FAM114A1: variants seen among roughly 807,000 people sequenced by gnomAD.
FAM114A1 encodes the protein protein NOXP20.
Under a neutral mutation model 64.3 loss-of-function variants are expected in FAM114A1, and 62 were observed. The observed-to-expected ratio is 0.96, with a 90% CI of 0.79 to 1.19. The LOEUF (loss-of-function observed/expected upper bound fraction) is 1.19, where lower values mean the gene tolerates loss of function less well. Among genes scored for constraint, FAM114A1 ranks in the 50% most tolerant of loss-of-function variants. The pLI is 0.00. For synonymous variants in FAM114A1, 254 were observed against 251.1 expected (o/e 1.01, Z -0.11); for missense variants, 645 against 676.3 (o/e 0.95, Z 0.51).
intron 9 of FAM114A1, among the ~76,000 whole-genome samples, chr4:38,924,281 T>C (rs186190203): frequency 6.6e-6 from 1 of 152,316 alleles, no homozygotes; most frequent in East Asian, 1.9e-4. Context: ...TGCTTATTAC[T>C]TAAAGTGCGA....
chr4:38,884,966 A>T (rs544757785), intron 3 of FAM114A1, among the ~76,000 whole-genome samples: 16 of 152,184 alleles, frequency 1.1e-4, no homozygotes, highest in South Asian at 1.0e-3. Context: ...ACTTTTAAAA[A>T]TTTTTATTTA....
chr4:38,917,316 C>T (rs564973738), intron 8 of FAM114A1, among the ~76,000 whole-genome samples: 2 of 150,834 alleles, frequency 1.3e-5, no homozygotes, highest in South Asian at 2.1e-4. Flanking sequence ...CTGGCCTGGG[C>T]GACAGAGCAA....
At chr4:38,921,671 C>A (rs1226481298) in intron 8 of FAM114A1, among the ~76,000 whole-genome samples, 2 of 152,226 alleles carry the variant, frequency 1.3e-5, no homozygotes, top group African/African-American at 2.4e-5. Flanking sequence ...GTGAAGCCCT[C>A]CCTGTGTGTA....
At position 38,887,302 on chromosome 4, in the gene FAM114A1, G is replaced by T. The variant is rs552490240; in HGVS notation, c.349-4441G>T. Among the ~76,000 whole-genome samples the T allele has an allele frequency of 2.6e-4, 39 of 152,328 alleles. 1 individual carries two copies. The highest frequency in any genetic ancestry group is 5.9e-5 in the Non-Finnish European group (4 of 68,032). ...ATCTCACAAATCTCACTGTTTAGAAGTCCAGCAAAATCAAACAGTCACTTT... is the reference window on the plus strand; with the variant it reads ...ATCTCACAAATCTCACTGTTTAGAATTCCAGCAAAATCAAACAGTCACTTT... On this transcript the variant is annotated intron_variant, in intron 3 of 14. Coordinates refer to ENST00000358869, the MANE Select transcript of FAM114A1 (RefSeq NM_138389.4).
chr4:38,872,315 T>A (rs1306237988), intron 2 of FAM114A1, among the ~76,000 whole-genome samples: 1 of 152,212 alleles, frequency 6.6e-6, no homozygotes, highest in Non-Finnish European at 1.5e-5. Flanking sequence ...TAGTATATGC[T>A]GAACTATTTT....
At chr4:38,894,560 C>T (rs1476291137) in intron 4 of FAM114A1, among the ~76,000 whole-genome samples, 9 of 152,194 alleles carry the variant, frequency 5.9e-5, no homozygotes, top group African/African-American at 2.2e-4. Flanking sequence ...CCTTGGAGCA[C>T]AGTCCACTGG....
At chr4:38,886,927 C>CAAAAAAA (rs570020908) in intron 3 of FAM114A1, among the ~76,000 whole-genome samples, 1 of 58,920 alleles carries the variant, frequency 1.7e-5, no homozygotes. Context: ...GACTCCGTCT[C>CAAAAAAA]AAAAAAAAAA....
chr4:38,913,200 A>C (rs1378801589), intron 7 of FAM114A1, among the ~76,000 whole-genome samples: 1 of 152,232 alleles, frequency 6.6e-6, no homozygotes, highest in African/African-American at 2.4e-5. Context: ...AAACTTAATG[A>C]GGAATCACAT....
Position 38,904,840 on chromosome 4 carries a change from T to C in FAM114A1, c.437-682T>C, listed in dbSNP as rs112436519. ...AAAAGAGTAAAGAGGATGAGACAGG[T>C]ACACTATACAAAGACTGTGTTGAGC... On this transcript the variant is annotated intron_variant, in intron 4 of 14. Coordinates refer to ENST00000358869, the MANE Select transcript of FAM114A1 (RefSeq NM_138389.4). Among the ~76,000 whole-genome samples the C allele has an allele frequency of 3.0e-3, 455 of 152,330 alleles. 2 individuals are homozygous for C. The highest frequency in any genetic ancestry group is 9.9e-3 in the African/African-American group (411 of 41,572).
intron 3 of FAM114A1, among the ~76,000 whole-genome samples, chr4:38,883,433 A>G (rs1375059799): frequency 6.6e-6 from 1 of 152,178 alleles, no homozygotes; most frequent in Admixed American, 6.5e-5. Flanking sequence ...TAAAAGACCC[A>G]ATCTAGATTA....
chr4:38,921,061 C>T (rs1340683302), intron 8 of FAM114A1, among the ~76,000 whole-genome samples: 2 of 152,218 alleles, frequency 1.3e-5, no homozygotes, highest in African/African-American at 2.4e-5. Context: ...TCATCTATTA[C>T]CACAATGAAT....
intron 2 of FAM114A1, among the ~76,000 whole-genome samples, chr4:38,869,510 G>A (rs1713804461): frequency 6.6e-6 from 1 of 152,186 alleles, no homozygotes; most frequent in African/African-American, 2.4e-5. Context: ...ATTATGATGG[G>A]AAGTGTGAAG....
chr4:38,884,659 G>A lies in FAM114A1; in HGVS notation c.348+6233G>A, dbSNP rs192011961. ...CACACTGACATTTTTAAATGAAACG[G>A]TAATTAACAAGAGAGTTGAAAATGG... On this transcript the variant is annotated intron_variant, in intron 3 of 14. Transcript: ENST00000358869. 2.0e-5 allele frequency among the ~76,000 whole-genome samples: 3 copies of A among 152,330 alleles called. No individual in the cohort carries two copies. The East Asian group carries it at 5.8e-4, about 29-fold the overall frequency.
At position 38,878,387 on chromosome 4, in the gene FAM114A1, A is replaced by G. The variant is rs762809038; in HGVS notation, c.309A>G (p.Glu103=). ...TTGATTCCGTCAGCCTTGAGGCAGA[A>G]CCCAGATCCGAAATACCCCTGCAAG... The part of the protein sequence containing the change: ...ECIDSVSLEA[E]PRSEIPLQEQ... The change falls in exon 3 of 15, where the codon GAA becomes GAG. Residue 103 remains glutamate (E), a synonymous_variant. Transcript: ENST00000358869. 1.2e-6 allele frequency: 2 copies of G among 1,607,486 alleles called. No homozygotes were observed. The highest frequency in any genetic ancestry group is 2.7e-5 in the African/African-American group (2 of 74,750).
At chr4:38,893,790 T>C (rs901378672) in intron 4 of FAM114A1, among the ~76,000 whole-genome samples, 7 of 152,190 alleles carry the variant, frequency 4.6e-5, no homozygotes, top group Non-Finnish European at 8.8e-5. Context: ...TTGGTTCCAG[T>C]GGATGGTGCT....
intron 14 of FAM114A1, among the ~76,000 whole-genome samples, chr4:38,942,234 G>T (rs1721632252): frequency 6.6e-6 from 1 of 152,152 alleles, no homozygotes; most frequent in Non-Finnish European, 1.5e-5. Context: ...AACCATATCA[G>T]CTACCTATAT....
intron 13 of FAM114A1, 113 bp downstream of exon 13, chr4:38,935,903 T>C: frequency 8.0e-6 from 6 of 751,166 alleles, no homozygotes; most frequent in Non-Finnish European, 1.4e-5. Context: ...AGCTATGCCA[T>C]GATGTAAGCT....
In FAM114A1 at chr4:38,935,396, A is replaced by G. The variant is rs140146699; in HGVS notation, c.1464-322A>G. 9.3e-3 allele frequency among the ~76,000 whole-genome samples: 1,421 copies of G among 152,278 alleles called. 22 individuals carry two copies. Among genetic ancestry groups the G allele is most frequent in the South Asian group, 0.053 (255 of 4,824 alleles). On this transcript the variant is annotated intron_variant, in intron 12 of 14. Coordinates refer to ENST00000358869, the MANE Select transcript of FAM114A1 (RefSeq NM_138389.4). ...AAAGCTGGAAACCAGCCGTCTGGCCAGAGTGTATAAGCTCTACACATGTGG... is the reference window on the plus strand; with the variant it reads ...AAAGCTGGAAACCAGCCGTCTGGCCGGAGTGTATAAGCTCTACACATGTGG...
chr4:38,918,740 C>A (rs1204209654), intron 8 of FAM114A1, among the ~76,000 whole-genome samples: 1 of 152,270 alleles, frequency 6.6e-6, no homozygotes, highest in Non-Finnish European at 1.5e-5. Flanking sequence ...GGGCAGATCA[C>A]TTGAGGCCAG....
Sources: gnomAD v4.1 joint callset for allele counts (sites outside exome capture counted in the v4.1 genomes callset) on GRCh38, gnomAD v4.1.1 for gene constraint, MANE v1.5 for transcripts, NCBI Gene and HGNC (gene_info 2026-07-23, HGNC 2026-07-21) for gene names.